ESR1: variants seen among roughly 807,000 people sequenced by gnomAD.
ESR1 encodes the protein estrogen receptor 1.
A neutral mutation model predicts 52.7 loss-of-function variants in ESR1; 12 were observed. The observed-to-expected ratio is 0.23, with a 90% CI of 0.15 to 0.37. ESR1 has a LOEUF of 0.37. ESR1 is among the 10% of genes least tolerant of loss of function. The pLI is 1.00. For synonymous variants in ESR1, 305 were observed against 316.8 expected (o/e 0.96, Z 0.39); for missense variants, 584 against 779.7 (o/e 0.75, Z 2.99).
chr6:151,915,799 A>G (rs777612423), intron 3 of ESR1, among the ~76,000 whole-genome samples: 13 of 152,276 alleles, frequency 8.5e-5, no homozygotes, highest in Non-Finnish European at 1.8e-4. Flanking sequence ...TGTTGTTGAT[A>G]TCACTGACAT....
chr6:151,719,182 G>A (rs564930055), intron 2 of ESR1, among the ~76,000 whole-genome samples: 24 of 152,298 alleles, frequency 1.6e-4, no homozygotes, highest in African/African-American at 4.3e-4. Flanking sequence ...TTTACATCTC[G>A]TGGTGTAGAG....
intron 5 of ESR1, among the ~76,000 whole-genome samples, chr6:152,025,674 A>G (rs1331626795): frequency 3.9e-5 from 6 of 151,932 alleles, no homozygotes; most frequent in African/African-American, 7.2e-5. Flanking sequence ...TTTTTCCTCA[A>G]AGAACTAGCT....
chr6:152,045,420 G>A (rs2046149844), intron 5 of ESR1, among the ~76,000 whole-genome samples: 1 of 152,184 alleles, frequency 6.6e-6, no homozygotes, highest in South Asian at 2.1e-4. Context: ...AGATCCACTG[G>A]TGTTAGGGGA....
intron 2 of ESR1, among the ~76,000 whole-genome samples, chr6:151,735,571 T>C (rs550418368): frequency 6.6e-6 from 1 of 152,128 alleles, no homozygotes. Flanking sequence ...TTTTGTTTTT[T>C]TTTTCATTTC....
intron 4 of ESR1, among the ~76,000 whole-genome samples, chr6:152,010,065 T>A (rs2042640503): frequency 6.6e-6 from 1 of 152,114 alleles, no homozygotes; most frequent in African/African-American, 2.4e-5. Flanking sequence ...TACCTCAAGA[T>A]AGAATTGATG....
chr6:151,694,116 C>T (rs1011452903), intron 1 of ESR1, among the ~76,000 whole-genome samples: 1 of 152,134 alleles, frequency 6.6e-6, no homozygotes, highest in Non-Finnish European at 1.5e-5. Flanking sequence ...TGGTGAACAA[C>T]GTTATGATTC....
intron 2 of ESR1, among the ~76,000 whole-genome samples, chr6:151,850,762 C>T (rs929735523): frequency 2.0e-5 from 3 of 152,114 alleles, no homozygotes; most frequent in Non-Finnish European, 4.4e-5. Flanking sequence ...TTTCTTATTG[C>T]AGCCTCTGGC....
At chr6:151,706,396 T>C (rs1367685948) in intron 2 of ESR1, among the ~76,000 whole-genome samples, 2 of 152,218 alleles carry the variant, frequency 1.3e-5, no homozygotes, top group Non-Finnish European at 2.9e-5. Flanking sequence ...TGTTTCTGTT[T>C]AACTTTCTTC....
At chr6:152,035,988 G>T (rs561167712) in intron 5 of ESR1, among the ~76,000 whole-genome samples, 1 of 152,078 alleles carries the variant, frequency 6.6e-6, no homozygotes, top group African/African-American at 2.4e-5. Context: ...TCTCAGGGTC[G>T]GGAATTAGGT....
intron 4 of ESR1, among the ~76,000 whole-genome samples, chr6:151,959,175 G>A (rs1293279710): frequency 6.6e-6 from 1 of 152,158 alleles, no homozygotes; most frequent in African/African-American, 2.4e-5. Flanking sequence ...GCCATCTCAA[G>A]ACTAAGTATT....
At chr6:152,044,563 C>T (rs1464078098) in intron 5 of ESR1, among the ~76,000 whole-genome samples, 1 of 136,486 alleles carries the variant, frequency 7.3e-6, no homozygotes, top group African/African-American at 3.0e-5. Flanking sequence ...CTAGGGAAGC[C>T]GACAGTGCGG....
intron 6 of ESR1, among the ~76,000 whole-genome samples, chr6:152,076,184 C>T (rs921497428): frequency 6.6e-6 from 1 of 152,158 alleles, no homozygotes; most frequent in Admixed American, 6.5e-5. Context: ...AGTGGGAGAT[C>T]ATTTGAATCA....
At chr6:152,071,616 C>T (rs2048356488) in intron 6 of ESR1, among the ~76,000 whole-genome samples, 1 of 152,128 alleles carries the variant, frequency 6.6e-6, no homozygotes, top group African/African-American at 2.4e-5. Flanking sequence ...CTGTTTTATT[C>T]TCCATCCGTA....
At chr6:152,050,278 A>G (rs1027632437) in intron 5 of ESR1, among the ~76,000 whole-genome samples, 6 of 152,176 alleles carry the variant, frequency 3.9e-5, no homozygotes, top group African/African-American at 9.7e-5. Flanking sequence ...TTATTCCTCA[A>G]ACTCTCAGGG....
At chr6:151,927,058 C>T (rs2032868956) in intron 3 of ESR1, among the ~76,000 whole-genome samples, 1 of 151,958 alleles carries the variant, frequency 6.6e-6, no homozygotes, top group Non-Finnish European at 1.5e-5. Context: ...TCATAAATAG[C>T]TGTTGAATTT....
At chr6:152,091,608 A>T (rs1486604605) in intron 6 of ESR1, among the ~76,000 whole-genome samples, 1 of 152,166 alleles carries the variant, frequency 6.6e-6, no homozygotes, top group Non-Finnish European at 1.5e-5. Flanking sequence ...CTTAAGGAGG[A>T]TGGAACATTG....
intron 2 of ESR1, among the ~76,000 whole-genome samples, chr6:151,730,534 G>A (rs560186083): frequency 2.0e-4 from 31 of 152,174 alleles, no homozygotes; most frequent in African/African-American, 7.0e-4. Flanking sequence ...TCTCCCATTC[G>A]AGTTCCTCAC....
At chr6:152,087,955 C>T (rs2049874200) in intron 6 of ESR1, among the ~76,000 whole-genome samples, 1 of 152,054 alleles carries the variant, frequency 6.6e-6, no homozygotes, top group South Asian at 2.1e-4. Flanking sequence ...GAGAGACAGC[C>T]AAGTTTGAGA....
At chr6:151,883,819 T>C (rs1793370659) in intron 3 of ESR1, among the ~76,000 whole-genome samples, 1 of 152,138 alleles carries the variant, frequency 6.6e-6, no homozygotes, top group Admixed American at 6.5e-5. Context: ...GATGGCTGCC[T>C]TCTCTCTGTG....
Sources: allele counts gnomAD v4.1 joint callset (sites outside exome capture counted in the v4.1 genomes callset), GRCh38; gene constraint gnomAD v4.1.1; transcripts MANE v1.5; gene names NCBI Gene and HGNC (gene_info 2026-07-23, HGNC 2026-07-21).